Variants in TBCCD1 observed in about 807,000 individuals in gnomAD.
The protein encoded by TBCCD1 is TBCC domain containing 1, also known as TBCC domain-containing protein 1.
Under a neutral mutation model 53.4 loss-of-function variants are expected in TBCCD1, and 26 were observed. The observed-to-expected ratio is 0.49, with a 90% CI of 0.36 to 0.68. The LOEUF (loss-of-function observed/expected upper bound fraction) is 0.68, where lower values mean the gene tolerates loss of function less well. Among genes scored for constraint, TBCCD1 ranks in the 30% least tolerant of loss-of-function variants. TBCCD1 has a pLI of 0.00. For synonymous variants in TBCCD1, 245 were observed against 241.7 expected, an observed-to-expected ratio of 1.01 and a Z score of -0.13; for missense variants, 558 against 669.5, an observed-to-expected ratio of 0.83 and a Z score of 1.84.
chr3:186,562,823 A>G (rs1486015278), intron 2 of TBCCD1, among the ~76,000 whole-genome samples: 3 of 152,222 alleles, frequency 2.0e-5, no homozygotes, highest in East Asian at 1.9e-4. Flanking sequence ...ATTGAGCTGT[A>G]TACATAAAAT....
At chr3:186,551,663 T>C (rs1039324444) in intron 6 of TBCCD1, among the ~76,000 whole-genome samples, 2 of 152,076 alleles carry the variant, frequency 1.3e-5, no homozygotes, top group East Asian at 1.9e-4. Context: ...TATATTCTAG[T>C]AGGAAAGATA....
Position 186,554,359 on chromosome 3 carries a change from G to A in TBCCD1, c.1439C>T (p.Thr480Ile). The change falls in exon 6 of 8, where the codon ACA becomes ATA. Residue 480 changes from threonine to isoleucine, a missense_variant. Thr to Ile is a moderately conservative substitution (Grantham distance 89). Transcript: ENST00000338733. ...AGATGGAAGACCCCCGGGTATCTCTGTTGTGTCCCCTTCCATTTCAAAGGG... is the reference window on the plus strand; with the variant it reads ...AGATGGAAGACCCCCGGGTATCTCTATTGTGTCCCCTTCCATTTCAAAGGG... ...IIPFEMEGDT[T>I]EIPGGLPSVY... is the part of the protein sequence containing the mutation. 2 of 1,614,236 alleles carry A rather than the reference G, an allele frequency of 1.2e-6. No individual in the cohort carries two copies. The highest frequency in any genetic ancestry group is 1.7e-6 in the Non-Finnish European group (2 of 1,180,050).
upstream of TBCCD1, among the ~76,000 whole-genome samples, chr3:186,569,142 AAAAAG>A (rs1714929865): frequency 6.6e-6 from 1 of 152,046 alleles, no homozygotes; most frequent in Non-Finnish European, 1.5e-5. Context: ...TGTATACAAA[AAAAAG>A]AAAGGAAGCA....
At chr3:186,558,676 A>G (rs1400509972) in intron 2 of TBCCD1, 104 bp from the exon 3 acceptor site, 7 of 1,267,814 alleles carry the variant, frequency 5.5e-6, no homozygotes, top group Non-Finnish European at 7.6e-6. Flanking sequence ...TGATCCTAAA[A>G]AAACCAACTT....
At chr3:186,569,413 G>A (rs1204265475), upstream of TBCCD1, among the ~76,000 whole-genome samples, 1 of 151,920 alleles carries the variant, frequency 6.6e-6, no homozygotes, top group Non-Finnish European at 1.5e-5. Context: ...CCACCTCCCA[G>A]GTTCAAGCAA....
At chr3:186,547,594 T>C (rs1408178811) in intron 7 of TBCCD1, among the ~76,000 whole-genome samples, 1 of 150,306 alleles carries the variant, frequency 6.7e-6, no homozygotes, top group Non-Finnish European at 1.5e-5. Flanking sequence ...TATTAATAAA[T>C]ATTGCTAAAT....
chr3:186,551,309 A>G lies in TBCCD1; in HGVS notation c.1545-30T>C, dbSNP rs372238179. On this transcript the variant is annotated intron_variant, in intron 6 of 7. Coordinates refer to ENST00000338733, the MANE Select transcript of TBCCD1 (RefSeq NM_018138.5). Reference sequence around the variant, plus strand: ...AATTGCGATTATGAGTAAAAAGAATATAAGAACATGAATTCATATAAATTG... The same window carrying G: ...AATTGCGATTATGAGTAAAAAGAATGTAAGAACATGAATTCATATAAATTG... 4.0e-5 allele frequency: 64 copies of G among 1,597,578 alleles called. No homozygotes were observed. The African/African-American group carries it at 7.3e-4, about 18-fold the overall frequency.
chr3:186,554,438 C>A lies in TBCCD1; in HGVS notation c.1360G>T (p.Asp454Tyr). The change falls in exon 6 of 8, where the codon GAC becomes TAC. Residue 454 changes from aspartate (D) to tyrosine (Y), a missense_variant. Asp to Tyr is a radical substitution (Grantham distance 160, BLOSUM62 -3). Transcript: ENST00000338733. ...GGTAAAAGCTGGAAGACTCTTGTGT[C>A]GCTGTTCTCTCTGCACACAACCATT... ...NPMVVCRENS[D>Y]TRVFQLLPPC... 1 of 1,614,194 alleles carries A rather than the reference C, an allele frequency of 6.2e-7. No homozygotes were observed. Among genetic ancestry groups the A allele is most frequent in the Non-Finnish European group, 8.5e-7 (1 of 1,180,034 alleles).
chr3:186,559,919 C>T (rs1207394883), intron 2 of TBCCD1, among the ~76,000 whole-genome samples: 1 of 152,160 alleles, frequency 6.6e-6, no homozygotes, highest in Non-Finnish European at 1.5e-5. Context: ...CAGCCATATG[C>T]ACTTCTCTGT....
chr3:186,559,857 A>C (rs977723668), intron 2 of TBCCD1, among the ~76,000 whole-genome samples: 2 of 152,230 alleles, frequency 1.3e-5, no homozygotes, highest in Admixed American at 1.3e-4. Flanking sequence ...CGATACAGTC[A>C]AGATACGAGA....
intron 3 of TBCCD1, among the ~76,000 whole-genome samples, 161 bp from the exon 4 acceptor site, chr3:186,556,936 G>A (rs1388914867): frequency 6.6e-6 from 1 of 152,198 alleles, no homozygotes; most frequent in Admixed American, 6.5e-5. Context: ...CTTGGCCTCA[G>A]AATTTCTAAT....
chr3:186,549,335 C>A (rs1046880869), intron 7 of TBCCD1, among the ~76,000 whole-genome samples: 7 of 151,826 alleles, frequency 4.6e-5, no homozygotes, highest in African/African-American at 1.7e-4. Flanking sequence ...TCCCTACATA[C>A]ATGAGTTTAT....
chr3:186,570,446 G>A (rs937801710), upstream of TBCCD1: 5 of 482,628 alleles, frequency 1.0e-5, no homozygotes, highest in Non-Finnish European at 1.8e-5. Context: ...TACCTCAGGT[G>A]CCCTCACTCT....
intron 7 of TBCCD1, among the ~76,000 whole-genome samples, chr3:186,550,798 AGAGGAAAGGTT>A (rs1254615282): frequency 6.6e-6 from 1 of 152,200 alleles, no homozygotes; most frequent in African/African-American, 2.4e-5. Flanking sequence ...GGAATGGATA[AGAGGAAAGGTT>A]TAGAAAAGGA....
chr3:186,555,130 GA>G, intron 4 of TBCCD1, 46 bp from the exon 5 acceptor site: 1 of 1,535,568 alleles, frequency 6.5e-7, no homozygotes, highest in Non-Finnish European at 8.8e-7. Flanking sequence ...TCAAATCAAA[GA>G]AAAACAAACA....
chr3:186,558,679 A>G (rs896119546), intron 2 of TBCCD1, 107 bp from the exon 3 acceptor site: 9 of 1,231,900 alleles, frequency 7.3e-6, no homozygotes, highest in South Asian at 1.6e-5. Context: ...TCCTAAAAAA[A>G]CCAACTTAGA....
At chr3:186,566,035 TTC>T (rs1321686080) in intron 1 of TBCCD1, among the ~76,000 whole-genome samples, 13 of 151,808 alleles carry the variant, frequency 8.6e-5, no homozygotes, top group Admixed American at 6.6e-5. Context: ...AAAACTGTGC[TTC>T]TCTCTTTTTT....
chr3:186,547,246 C>T (rs1331495328), intron 7 of TBCCD1, among the ~76,000 whole-genome samples: 1 of 149,994 alleles, frequency 6.7e-6, no homozygotes, highest in East Asian at 1.9e-4. Flanking sequence ...TAATCTCCAT[C>T]AGATTTGTAA....
chr3:186,562,234 A>T (rs1714709337), intron 2 of TBCCD1, among the ~76,000 whole-genome samples: 1 of 152,082 alleles, frequency 6.6e-6, no homozygotes, highest in Non-Finnish European at 1.5e-5. Flanking sequence ...AGTCCTAACC[A>T]CTCAGGAGGC....
Sources: allele counts gnomAD v4.1 joint callset (sites outside exome capture counted in the v4.1 genomes callset), GRCh38; gene constraint gnomAD v4.1.1; transcripts MANE v1.5; gene names NCBI Gene and HGNC (gene_info 2026-07-23, HGNC 2026-07-21).